LIN52: variants seen among roughly 807,000 people sequenced by gnomAD.
LIN52 encodes protein lin-52 homolog.
In LIN52, 4 loss-of-function variants were observed where a neutral mutation model predicts 18.5. The ratio of observed to expected loss-of-function variants is 0.22; its 90% CI spans 0.11 to 0.49. The LOEUF is 0.49. LIN52 is among the 20% of genes least tolerant of loss of function. LIN52 has a pLI of 0.97. For missense variants in LIN52, 102 were observed against 139.5 expected, an observed-to-expected ratio of 0.73 and a Z score of 1.35; for synonymous variants, 34 against 45.5, an observed-to-expected ratio of 0.75 and a Z score of 1.02.
At chr14:74,115,780 T>C (rs930591427) in intron 5 of LIN52, among the ~76,000 whole-genome samples, 1 of 152,248 alleles carries the variant, frequency 6.6e-6, no homozygotes, top group Admixed American at 6.5e-5. Context: ...CTTTAAGGCT[T>C]GTAAACATTC....
At chr14:74,198,573 A>G (rs2078928659) in intron 5 of LIN52, among the ~76,000 whole-genome samples, 2 of 152,242 alleles carry the variant, frequency 1.3e-5, no homozygotes, top group African/African-American at 4.8e-5. Context: ...TTAGGCTTCA[A>G]GAGCAAACCC....
At chr14:74,137,734 G>A (rs1023106341) in intron 5 of LIN52, among the ~76,000 whole-genome samples, 7 of 151,854 alleles carry the variant, frequency 4.6e-5, no homozygotes, top group African/African-American at 1.5e-4. Flanking sequence ...TCTTGACCTC[G>A]TGATCCGCCT....
At chr14:74,176,347 A>G (rs991128166) in intron 5 of LIN52, among the ~76,000 whole-genome samples, 6 of 151,988 alleles carry the variant, frequency 3.9e-5, no homozygotes, top group Non-Finnish European at 8.8e-5. Context: ...CCTGACCTCA[A>G]GTGATCCGCC....
intron 5 of LIN52, among the ~76,000 whole-genome samples, chr14:74,194,040 T>G (rs1041647738): frequency 6.6e-6 from 1 of 152,230 alleles, no homozygotes; most frequent in East Asian, 1.9e-4. Flanking sequence ...GTTCCCTACA[T>G]AAAAGCTGAG....
At chr14:74,106,055 A>G (rs2060895516) in intron 5 of LIN52, among the ~76,000 whole-genome samples, 1 of 152,182 alleles carries the variant, frequency 6.6e-6, no homozygotes, top group Non-Finnish European at 1.5e-5. Context: ...TCTTGGCTTG[A>G]TTTGGGCAGT....
At chr14:74,134,758 C>T (rs1168624444) in intron 5 of LIN52, among the ~76,000 whole-genome samples, 2 of 152,162 alleles carry the variant, frequency 1.3e-5, no homozygotes, top group Non-Finnish European at 2.9e-5. Context: ...TAATTCTCAA[C>T]TATTATTGGC....
chr14:74,165,513 C>CTTTTTTTTTTTTTTTTTT lies in LIN52; in HGVS notation c.284-33394_284-33393insTTTTTTTTTTTTTTTTTT, dbSNP rs71460962. Among the ~76,000 whole-genome samples, 744 of 110,154 alleles carry CTTTTTTTTTTTTTTTTTT rather than the reference C, an allele frequency of 6.8e-3. 71 individuals are homozygous for CTTTTTTTTTTTTTTTTTT. The highest frequency in any genetic ancestry group is 0.012 in the African/African-American group (320 of 26,636). The allele number at this position is 110,154 out of a possible 152,430, so 72.3% of individuals were successfully genotyped here. A position where few individuals can be genotyped will look rare whatever the true frequency, so the allele number is the denominator to read the frequency against. ...AATGGAGAATTACAGGTTTTCTTTTCTTTTTTTTTTTTTTTGAGACAGAGT... is the reference window on the plus strand; with the variant it reads ...AATGGAGAATTACAGGTTTTCTTTTCTTTTTTTTTTTTTTTTTTTTTTTTTTTTTTTTTGAGACAGAGT... On this transcript the variant is annotated intron_variant, in intron 5 of 5. Coordinates refer to ENST00000555028, the MANE Select transcript of LIN52 (RefSeq NM_001024674.3).
intron 5 of LIN52, among the ~76,000 whole-genome samples, chr14:74,120,768 A>AG (rs1297862455): frequency 1.3e-5 from 2 of 151,498 alleles, no homozygotes; most frequent in Non-Finnish European, 2.9e-5. Context: ...AAAAAAAAAA[A>AG]AAAATTAGCT....
intron 5 of LIN52, among the ~76,000 whole-genome samples, chr14:74,165,513 C>CTTTTCTTTTTTT (rs1555384151): frequency 5.4e-5 from 6 of 110,262 alleles, no homozygotes; most frequent in East Asian, 3.3e-4. Flanking sequence ...GTTTTCTTTT[C>CTTTTCTTTTTTT]TTTTTTTTTT....
chr14:74,109,740 C>G (rs988001222), intron 5 of LIN52, among the ~76,000 whole-genome samples: 2 of 152,164 alleles, frequency 1.3e-5, no homozygotes, highest in Non-Finnish European at 2.9e-5. Context: ...GTCTTAATTT[C>G]ATTTTCAGTT....
chr14:74,192,933 G>GT (rs1303308487), intron 5 of LIN52: 27 of 153,514 alleles, frequency 1.8e-4, no homozygotes, highest in Non-Finnish European at 2.9e-4. Flanking sequence ...AAAAGTGTAG[G>GT]GTTTTTTTTG....
intron 5 of LIN52, among the ~76,000 whole-genome samples, chr14:74,101,737 GGCGTGAGCCACC>G (rs1460505925): frequency 8.5e-5 from 13 of 152,120 alleles, no homozygotes; most frequent in Non-Finnish European, 1.6e-4. Context: ...TGGGATTACA[GGCGTGAGCCACC>G]GCGCCCGGCC....
chr14:74,110,084 T>C (rs971982031), intron 5 of LIN52, among the ~76,000 whole-genome samples: 1 of 152,200 alleles, frequency 6.6e-6, no homozygotes, highest in Non-Finnish European at 1.5e-5. Context: ...TGTGCTTTAA[T>C]GTAAATAAGG....
intron 5 of LIN52, chr14:74,192,589 A>T (rs1291391076): frequency 4.4e-5 from 9 of 203,300 alleles, no homozygotes; most frequent in African/African-American, 1.7e-4. Flanking sequence ...TGCCCAGCCA[A>T]CAGTGGTCAT....
intron 5 of LIN52, among the ~76,000 whole-genome samples, chr14:74,154,822 T>G (rs1241495745): frequency 6.6e-6 from 1 of 152,200 alleles, no homozygotes; most frequent in Non-Finnish European, 1.5e-5. Flanking sequence ...ATTATTTTAG[T>G]GGCTTTGGTT....
chr14:74,137,641 G>A (rs2061106147), intron 5 of LIN52, among the ~76,000 whole-genome samples: 1 of 151,788 alleles, frequency 6.6e-6, no homozygotes, highest in Non-Finnish European at 1.5e-5. Context: ...TGGGATTACA[G>A]GCCACGCACC....
intron 5 of LIN52, among the ~76,000 whole-genome samples, chr14:74,101,752 G>A (rs899609913): frequency 1.3e-5 from 2 of 152,052 alleles, no homozygotes; most frequent in African/African-American, 4.8e-5. Context: ...GAGCCACCGC[G>A]CCCGGCCGAT....
chr14:74,088,279 C>T (rs746517813), intron 1 of LIN52, among the ~76,000 whole-genome samples: 5 of 152,010 alleles, frequency 3.3e-5, no homozygotes, highest in Admixed American at 1.3e-4. Flanking sequence ...TGAGTAGAGA[C>T]GGGGTTTCAC....
intron 2 of LIN52, 49 bp downstream of exon 2, chr14:74,091,355 T>C: frequency 8.2e-7 from 1 of 1,219,536 alleles, no homozygotes; most frequent in Admixed American, 2.1e-5. Flanking sequence ...AGAAACAATG[T>C]TCCTTTTTAA....
Sources: allele counts gnomAD v4.1 joint callset (sites outside exome capture counted in the v4.1 genomes callset), GRCh38; gene constraint gnomAD v4.1.1; transcripts MANE v1.5; gene names NCBI Gene and HGNC (gene_info 2026-07-23, HGNC 2026-07-21).